VPS54: variants seen among roughly 807,000 people sequenced by gnomAD.
VPS54 encodes vacuolar protein sorting-associated protein 54.
A neutral mutation model predicts 121.5 loss-of-function variants in VPS54; 45 were observed. The ratio of observed to expected loss-of-function variants is 0.37; its 90% CI spans 0.29 to 0.47. The LOEUF (loss-of-function observed/expected upper bound fraction) is 0.47, where lower values mean the gene tolerates loss of function less well. Ranked by LOEUF, VPS54 falls within the 20% of genes least tolerant of loss-of-function variation. The pLI is 0.99. For synonymous variants in VPS54, 371 were observed against 385.8 expected, an observed-to-expected ratio of 0.96 and a Z score of 0.45; for missense variants, 1,090 against 1,131.4, an observed-to-expected ratio of 0.96 and a Z score of 0.52.
At chr2:63,940,791 A>G (rs1674688919) in intron 11 of VPS54, among the ~76,000 whole-genome samples, 1 of 152,238 alleles carries the variant, frequency 6.6e-6, no homozygotes, top group Admixed American at 6.5e-5. Flanking sequence ...CTATATAACT[A>G]GACATGCAAT....
At chr2:63,938,726 A>G (rs1377497082) in intron 11 of VPS54, among the ~76,000 whole-genome samples, 2 of 152,122 alleles carry the variant, frequency 1.3e-5, no homozygotes, top group Non-Finnish European at 2.9e-5. Flanking sequence ...CAGCCTCCCA[A>G]AGTGCTGGGA....
chr2:63,939,554 C>G (rs1225523404), intron 11 of VPS54, among the ~76,000 whole-genome samples: 2 of 152,054 alleles, frequency 1.3e-5, no homozygotes, highest in Non-Finnish European at 2.9e-5. Flanking sequence ...AACAAAACAA[C>G]TTTTTCTGAT....
rs562426090 is a variant in VPS54 at position 63,897,860 on chromosome 2, G to T, written c.2734-270C>A. Among the ~76,000 whole-genome samples the T allele has an allele frequency of 6.6e-5, 10 of 152,250 alleles. No individual in the cohort carries two copies. The South Asian group carries it at 2.1e-3, about 32-fold the overall frequency. ...CTGTGACAGGTAAAAATAATAAAAA[G>T]TAGTGGGGAATTTTGTAACATAGTA... On this transcript the variant is annotated intron_variant, in intron 21 of 22. Transcript: ENST00000272322.
chr2:63,951,927 T>C (rs74742801), intron 7 of VPS54, among the ~76,000 whole-genome samples: 4,837 of 152,276 alleles, frequency 0.032, 192 homozygotes, highest in African/African-American at 0.096. Context: ...ACATTTATGA[T>C]TGTTTTCCAC....
At chr2:63,986,482 T>C (rs919789219) in intron 1 of VPS54, among the ~76,000 whole-genome samples, 4 of 152,256 alleles carry the variant, frequency 2.6e-5, no homozygotes, top group African/African-American at 9.6e-5. Context: ...TGTGTATATG[T>C]ACCACATTTT....
intron 16 of VPS54, 46 bp from the exon 17 acceptor site, chr2:63,914,333 A>T: frequency 7.7e-7 from 1 of 1,291,960 alleles, no homozygotes; most frequent in Non-Finnish European, 1.1e-6. Flanking sequence ...AAACAAGAAA[A>T]ATCAAAAGGA....
intron 3 of VPS54, among the ~76,000 whole-genome samples, chr2:63,979,659 A>G (rs1244352295): frequency 2.6e-5 from 4 of 152,156 alleles, no homozygotes; most frequent in Non-Finnish European, 5.9e-5. Context: ...GCATCACCCC[A>G]CAAATCCTGA....
intron 1 of VPS54, among the ~76,000 whole-genome samples, chr2:64,001,158 C>T (rs1677856284): frequency 6.6e-6 from 1 of 152,328 alleles, no homozygotes; most frequent in East Asian, 1.9e-4. Flanking sequence ...TGGCCACCAC[C>T]ACCAAAGGCC....
chr2:63,937,082 G>T (rs1257986839), intron 11 of VPS54, among the ~76,000 whole-genome samples: 1 of 152,028 alleles, frequency 6.6e-6, no homozygotes, highest in Non-Finnish European at 1.5e-5. Context: ...CAGGACACTG[G>T]ATTTGGCATT....
At chr2:64,001,591 T>C (rs1017524776) in intron 1 of VPS54, among the ~76,000 whole-genome samples, 1 of 152,082 alleles carries the variant, frequency 6.6e-6, no homozygotes, top group Non-Finnish European at 1.5e-5. Context: ...GGATGGATCC[T>C]GCCAGGACTG....
At chr2:64,004,759 T>C (rs901167792) in intron 1 of VPS54, among the ~76,000 whole-genome samples, 1 of 152,160 alleles carries the variant, frequency 6.6e-6, no homozygotes, top group African/African-American at 2.4e-5. Flanking sequence ...GCTACAATAA[T>C]AACTGTTTAA....
chr2:63,932,567 G>C (rs1228973016), intron 12 of VPS54, among the ~76,000 whole-genome samples: 1 of 151,556 alleles, frequency 6.6e-6, no homozygotes, highest in Non-Finnish European at 1.5e-5. Context: ...GTGATGGGCT[G>C]ATGGGTGCAG....
intron 8 of VPS54, among the ~76,000 whole-genome samples, chr2:63,947,751 T>C (rs17028239): frequency 0.074 from 11,215 of 152,206 alleles, 831 homozygotes; most frequent in African/African-American, 0.19. Context: ...AGGGTATTTT[T>C]TGTTCTAGTT....
At chr2:63,971,162 ATC>A (rs1402611658) in intron 4 of VPS54, among the ~76,000 whole-genome samples, 1 of 152,128 alleles carries the variant, frequency 6.6e-6, no homozygotes, top group African/African-American at 2.4e-5. Flanking sequence ...CTGTGTCTCA[ATC>A]TCTGAGTTAC....
At chr2:63,954,410 A>T (rs1156261518) in intron 7 of VPS54, among the ~76,000 whole-genome samples, 1 of 152,166 alleles carries the variant, frequency 6.6e-6, no homozygotes, top group Non-Finnish European at 1.5e-5. Context: ...AGGATGCTAG[A>T]TTTCCAATTC....
At chr2:63,995,199 T>C (rs1452771638) in intron 1 of VPS54, among the ~76,000 whole-genome samples, 1 of 152,216 alleles carries the variant, frequency 6.6e-6, no homozygotes, top group Non-Finnish European at 1.5e-5. Context: ...CATTCTGTTT[T>C]ACTTACCTCC....
intron 1 of VPS54, among the ~76,000 whole-genome samples, chr2:64,005,495 G>C (rs1352617260): frequency 3.9e-5 from 6 of 152,178 alleles, no homozygotes; most frequent in Non-Finnish European, 7.3e-5. Context: ...AATTGAATGT[G>C]ATATGAGAAT....
In VPS54 at chr2:63,892,253, G is replaced by C. The variant is rs913672747; in HGVS notation, c.*1177C>G. 6.6e-6 allele frequency: 1 copy of C among 152,034 alleles called. No homozygotes were observed. 9.4% of individuals were successfully genotyped at this position (152,034 alleles called of 1,614,324 possible). On this transcript the variant is annotated 3_prime_UTR_variant, in exon 23 of 23. Coordinates refer to ENST00000272322, the MANE Select transcript of VPS54 (RefSeq NM_016516.3). ...CAAGCTTTCCTTTTAAGAAACCAAA[G>C]AGCACAAAATAAGACTGTTTCATTA...
rs781213076 is a variant in VPS54, at chr2:63,916,888, T to C, written c.2228+12A>G. 12 of 1,612,942 alleles carry C rather than the reference T, an allele frequency of 7.4e-6. No homozygotes were observed. The highest frequency in any genetic ancestry group is 2.7e-5 in the African/African-American group (2 of 74,892). On this transcript the variant is annotated intron_variant, in intron 16 of 22. Coordinates refer to ENST00000272322, the MANE Select transcript of VPS54 (RefSeq NM_016516.3). ...AGTTGACTCAACTACTAAAGAAAAA[T>C]GTGTCACTCACCCAACAACTGCATA... is the stretch of plus-strand genomic sequence containing the variant.
Sources: gnomAD v4.1 joint callset for allele counts (sites outside exome capture counted in the v4.1 genomes callset) on GRCh38, gnomAD v4.1.1 for gene constraint, MANE v1.5 for transcripts, NCBI Gene and HGNC (gene_info 2026-07-23, HGNC 2026-07-21) for gene names.